The following FRMPD2 variants were observed in gnomAD, a reference collection of about 807,000 sequenced individuals.
FRMPD2 encodes the protein FERM and PDZ domain-containing protein 2.
A neutral mutation model predicts 140.1 loss-of-function variants in FRMPD2; 96 were observed. The observed-to-expected ratio is 0.69, with a 90% CI of 0.58 to 0.81. The LOEUF (loss-of-function observed/expected upper bound fraction) is 0.81, where lower values mean the gene tolerates loss of function less well. Among genes scored for constraint, FRMPD2 ranks in the 40% least tolerant of loss-of-function variants. The pLI is 0.00. For missense variants in FRMPD2, 1,240 were observed against 1,447.4 expected (o/e 0.86, Z 2.32); for synonymous variants, 449 against 547.6 (o/e 0.82, Z 2.52).
chr10:48,200,197 T>TAAAAAAAAAAAAA (rs201140091), intron 15 of FRMPD2, among the ~76,000 whole-genome samples: 45 of 139,718 alleles, frequency 3.2e-4, no homozygotes, highest in Non-Finnish European at 6.5e-4. Context: ...AATAAATAAA[T>TAAAAAAAAAAAAA]AAAACAGAGC....
intron 10 of FRMPD2, 105 bp from the exon 11 acceptor site, chr10:48,223,375 G>C (rs568611285): frequency 5.7e-5 from 67 of 1,166,384 alleles, no homozygotes; most frequent in Middle Eastern, 5.7e-4. Context: ...CACGAGCTGG[G>C]TGAGTGCAGG....
At chr10:48,161,948 A>T (rs1837952035) in intron 28 of FRMPD2, among the ~76,000 whole-genome samples, 1 of 150,026 alleles carries the variant, frequency 6.7e-6, no homozygotes, top group African/African-American at 2.5e-5. Context: ...GGGTCACTTT[A>T]TAATTCAGCT....
chr10:48,189,267 G>T (rs1302388550), intron 16 of FRMPD2, among the ~76,000 whole-genome samples: 1 of 152,198 alleles, frequency 6.6e-6, no homozygotes, highest in Non-Finnish European at 1.5e-5. Context: ...AGGGGACAGA[G>T]GGTACTGCCC....
intron 9 of FRMPD2, among the ~76,000 whole-genome samples, chr10:48,235,732 T>A (rs188137269): frequency 1.3e-5 from 2 of 152,308 alleles, no homozygotes; most frequent in East Asian, 3.9e-4. Context: ...ATACTCAACA[T>A]TGACTGAGAA....
chr10:48,253,114 T>A lies in FRMPD2; in HGVS notation c.26-1423A>T, dbSNP rs553945503. 3.3e-5 allele frequency among the ~76,000 whole-genome samples: 5 copies of A among 152,330 alleles called. No homozygotes were observed. The East Asian group carries it at 7.7e-4, about 24-fold the overall frequency. On this transcript the variant is annotated intron_variant, in intron 1 of 28. Coordinates refer to ENST00000374201, the MANE Select transcript of FRMPD2 (RefSeq NM_001018071.4). ...TAAAATATTGAATGGGTGGGGTTTT[T>A]TAAATTGCTTTATGACTAGACAAAA...
At chr10:48,171,577 GT>G (rs1226566136) in intron 25 of FRMPD2, among the ~76,000 whole-genome samples, 431 of 152,360 alleles carry the variant, frequency 2.8e-3, no homozygotes, top group African/African-American at 9.6e-3. Flanking sequence ...ACTTCAACAT[GT>G]CATCAATATG....
At chr10:48,201,179 A>T in intron 15 of FRMPD2, 49 bp downstream of exon 15, 1 of 1,427,334 alleles carries the variant, frequency 7.0e-7, no homozygotes, top group Non-Finnish European at 9.4e-7. Flanking sequence ...TTATTTTATG[A>T]AATAACAAAC....
intron 9 of FRMPD2, among the ~76,000 whole-genome samples, chr10:48,235,675 C>A (rs184193559): frequency 3.3e-5 from 5 of 152,188 alleles, no homozygotes; most frequent in African/African-American, 9.7e-5. Context: ...ACAATGTGTG[C>A]GCTTCCAGCC....
intron 16 of FRMPD2, among the ~76,000 whole-genome samples, chr10:48,188,313 G>C (rs766590394): frequency 6.6e-6 from 1 of 152,220 alleles, no homozygotes; most frequent in Non-Finnish European, 1.5e-5. Flanking sequence ...TGTGCAAAGA[G>C]GCTGCAGCCA....
At chr10:48,196,661 C>A (rs12257690) in intron 15 of FRMPD2, among the ~76,000 whole-genome samples, 6,667 of 152,166 alleles carry the variant, frequency 0.044, 505 homozygotes, top group African/African-American at 0.15. Context: ...GTGTGTGGGA[C>A]CATCAGCTGG....
chr10:48,186,039 G>A (rs1327145914), intron 17 of FRMPD2, among the ~76,000 whole-genome samples: 1 of 152,214 alleles, frequency 6.6e-6, no homozygotes, highest in Non-Finnish European at 1.5e-5. Context: ...AGCTAAAACA[G>A]AGGTGAGACA....
intron 1 of FRMPD2, among the ~76,000 whole-genome samples, chr10:48,273,736 A>G (rs547494076): frequency 6.6e-6 from 1 of 152,300 alleles, no homozygotes; most frequent in East Asian, 1.9e-4. Flanking sequence ...AGACATCCCC[A>G]GCATTTGGCA....
At chr10:48,161,451 A>G (rs1554790751) in intron 28 of FRMPD2, among the ~76,000 whole-genome samples, 2 of 151,854 alleles carry the variant, frequency 1.3e-5, no homozygotes, top group African/African-American at 4.9e-5. Flanking sequence ...AGTAGAAGAC[A>G]TAAAGAGGCA....
chr10:48,195,658 A>G (rs574778217), intron 15 of FRMPD2, among the ~76,000 whole-genome samples: 1 of 152,372 alleles, frequency 6.6e-6, no homozygotes, highest in East Asian at 1.9e-4. Context: ...GATATAAAAT[A>G]TAGAAAAATA....
At chr10:48,264,824 G>A (rs1011899533) in intron 1 of FRMPD2, among the ~76,000 whole-genome samples, 1 of 152,038 alleles carries the variant, frequency 6.6e-6, no homozygotes, top group Admixed American at 6.6e-5. Context: ...AAGTCACCTA[G>A]AACAGACAAC....
At chr10:48,189,482 C>A (rs756903549) in intron 16 of FRMPD2, among the ~76,000 whole-genome samples, 2 of 152,228 alleles carry the variant, frequency 1.3e-5, no homozygotes, top group African/African-American at 2.4e-5. Flanking sequence ...GGTCCTGCCT[C>A]CACATGTCAG....
intron 10 of FRMPD2, 57 bp from the exon 11 acceptor site, chr10:48,223,327 T>G: frequency 2.6e-6 from 4 of 1,541,538 alleles, no homozygotes; most frequent in Non-Finnish European, 3.5e-6. Flanking sequence ...GCACCATCTC[T>G]CAGACTCATA....
chr10:48,184,487 G>A, intron 20 of FRMPD2, 79 bp downstream of exon 20: 1 of 867,116 alleles, frequency 1.2e-6, no homozygotes, highest in Non-Finnish European at 1.9e-6. Flanking sequence ...TGGACTTCAA[G>A]GTCTAGTACC....
At chr10:48,184,523 A>G (rs1369805421) in intron 20 of FRMPD2, 43 bp downstream of exon 20, 2 of 1,215,344 alleles carry the variant, frequency 1.6e-6, no homozygotes, top group Admixed American at 1.7e-5. Flanking sequence ...ACTCCTGAAA[A>G]CAGGGGAGCC....
Sources: gnomAD v4.1 joint callset for allele counts (sites outside exome capture counted in the v4.1 genomes callset) on GRCh38, gnomAD v4.1.1 for gene constraint, MANE v1.5 for transcripts, NCBI Gene and HGNC (gene_info 2026-07-23, HGNC 2026-07-21) for gene names.